Variants in PARD3B observed in about 807,000 individuals in gnomAD.
PARD3B encodes partitioning defective 3 homolog B.
In PARD3B, 103 loss-of-function variants were observed where a neutral mutation model predicts 130.2. The ratio of observed to expected loss-of-function variants is 0.79; its 90% CI spans 0.67 to 0.93. The LOEUF (loss-of-function observed/expected upper bound fraction) is 0.93. Ranked by LOEUF, PARD3B falls within the 40% of genes least tolerant of loss-of-function variation. The pLI, the probability that PARD3B is intolerant of heterozygous loss-of-function variation, is 0.00. For missense variants in PARD3B, 1,609 were observed against 1,499.2 expected (o/e 1.07, Z -1.21); for synonymous variants, 583 against 553.2 (o/e 1.05, Z -0.76).
chr2:204,904,528 T>G (rs572702164), intron 2 of PARD3B, among the ~76,000 whole-genome samples: 1 of 152,298 alleles, frequency 6.6e-6, no homozygotes, highest in East Asian at 1.9e-4. Context: ...CCCTAAATAT[T>G]TATATCTACT....
At chr2:205,554,845 G>A (rs1193543654) in intron 22 of PARD3B, among the ~76,000 whole-genome samples, 1 of 152,190 alleles carries the variant, frequency 6.6e-6, no homozygotes. Context: ...ATGGGAAGAT[G>A]TGCATAGGTT....
chr2:205,091,015 T>C lies in PARD3B; in HGVS notation c.505-13411T>C, dbSNP rs551997074. 4.2e-4 allele frequency among the ~76,000 whole-genome samples: 64 copies of C among 152,318 alleles called. No individual in the cohort carries two copies. The highest frequency in any genetic ancestry group is 1.1e-3 in the Admixed American group (17 of 15,300). On this transcript the variant is annotated intron_variant, in intron 4 of 22. Transcript: ENST00000406610. This position sits in a 1 kb window ranked among gnomAD's most constrained non-coding sequence, Gnocchi z 4.2. ...TGGGATTCAAGGATTAATCCAGAGA[T>C]GATATTTGGATTAAATCATCACTGT...
chr2:204,650,615 G>A (rs2035444212), intron 1 of PARD3B, among the ~76,000 whole-genome samples: 1 of 152,138 alleles, frequency 6.6e-6, no homozygotes, highest in South Asian at 2.1e-4. Flanking sequence ...GATGGAGTAG[G>A]AGGCCATTTT....
chr2:205,435,185 C>A (rs2047470931), intron 19 of PARD3B, among the ~76,000 whole-genome samples: 1 of 151,916 alleles, frequency 6.6e-6, no homozygotes, highest in African/African-American at 2.4e-5. Context: ...TTTGTGTATT[C>A]TTCCAGACAT....
intron 12 of PARD3B, among the ~76,000 whole-genome samples, chr2:205,172,731 G>A (rs2035245100): frequency 6.6e-6 from 1 of 152,140 alleles, no homozygotes; most frequent in African/African-American, 2.4e-5. Context: ...AATGTTTAAT[G>A]TGGAGATCAT....
In PARD3B at chr2:204,984,773, A is replaced by G. The variant is rs552392137; in HGVS notation, c.394+19450A>G. On this transcript the variant is annotated intron_variant, in intron 3 of 22. Transcript: ENST00000406610. Reference sequence around the variant, plus strand: ...ATTTTCACCCACTTTAGGCACTTAGATATGGGATTAATGGTGCAGATCCAT... The same window carrying G: ...ATTTTCACCCACTTTAGGCACTTAGGTATGGGATTAATGGTGCAGATCCAT... Among the ~76,000 whole-genome samples, 5 of 152,148 alleles carry G rather than the reference A, an allele frequency of 3.3e-5. No individual in the cohort carries two copies. The South Asian group carries it at 1.0e-3, about 32-fold the overall frequency.
At chr2:205,093,644 T>A (rs1248804110) in intron 4 of PARD3B, among the ~76,000 whole-genome samples, 1 of 152,120 alleles carries the variant, frequency 6.6e-6, no homozygotes, top group East Asian at 1.9e-4. Context: ...TGGGAATATA[T>A]TTGTGAACAC....
At chr2:205,554,122 A>C (rs2052773316) in intron 22 of PARD3B, among the ~76,000 whole-genome samples, 1 of 152,192 alleles carries the variant, frequency 6.6e-6, no homozygotes, top group South Asian at 2.1e-4. Context: ...CTACGATTGG[A>C]GTTAGGTGAG....
At chr2:205,596,932 C>G (rs2054593045) in intron 22 of PARD3B, among the ~76,000 whole-genome samples, 1 of 152,128 alleles carries the variant, frequency 6.6e-6, no homozygotes, top group Admixed American at 6.5e-5. Context: ...ATGTCAAATC[C>G]TTCCTACCCA....
At position 205,446,302 on chromosome 2, in the gene PARD3B, C is replaced by G. The variant is rs1034496924; in HGVS notation, c.3044+5630C>G. 6.6e-6 allele frequency among the ~76,000 whole-genome samples: 1 copy of G among 151,918 alleles called. No individual in the cohort carries two copies. The highest frequency in any genetic ancestry group is 1.5e-5 in the Non-Finnish European group (1 of 67,992). On this transcript the variant is annotated intron_variant, in intron 20 of 22. Coordinates refer to ENST00000406610, the MANE Select transcript of PARD3B (RefSeq NM_001302769.2). The surrounding 1 kb of genome is among the most constrained non-coding windows in gnomAD (Gnocchi z 4.4). The stretch of plus-strand genomic sequence containing the variant: ...GCAGGGTTTGGGTTGGAGAAGAGCT[C>G]GCTGAGGGGAAGAACTCACTGAGGG...
intron 2 of PARD3B, among the ~76,000 whole-genome samples, chr2:204,919,185 A>G (rs191653919): frequency 3.3e-4 from 50 of 152,178 alleles, no homozygotes; most frequent in African/African-American, 9.6e-4. Context: ...GCAGACATCC[A>G]TACACTTCCC....
Position 204,678,431 on chromosome 2 carries a change from G to A in PARD3B, c.121-7750G>A, listed in dbSNP as rs1358264703. Among the ~76,000 whole-genome samples the A allele has an allele frequency of 6.6e-6, 1 of 152,150 alleles. No individual in the cohort carries two copies. The highest frequency in any genetic ancestry group is 1.5e-5 in the Non-Finnish European group (1 of 68,036). On this transcript the variant is annotated intron_variant, in intron 1 of 22. Transcript: ENST00000406610. This position sits in a 1 kb window ranked among gnomAD's most constrained non-coding sequence, Gnocchi z 4.2. ...ACCCGGGTTCTTGTCTGGCATCCAGGAAGAATCAGGTCACACGGACTTGAA... is the reference window on the plus strand; with the variant it reads ...ACCCGGGTTCTTGTCTGGCATCCAGAAAGAATCAGGTCACACGGACTTGAA...
intron 18 of PARD3B, among the ~76,000 whole-genome samples, chr2:205,363,821 C>A (rs115870344): frequency 6.7e-6 from 1 of 149,020 alleles, no homozygotes; most frequent in African/African-American, 2.5e-5. Flanking sequence ...TGCGCCACAA[C>A]GCCTGACTGA....
intron 11 of PARD3B, among the ~76,000 whole-genome samples, chr2:205,163,041 A>G (rs915450117): frequency 1.8e-4 from 27 of 152,190 alleles, no homozygotes; most frequent in African/African-American, 5.1e-4. Flanking sequence ...AAATGTATAC[A>G]TAACTAGAAT....
chr2:205,188,288 A>T (rs186475875), intron 14 of PARD3B, among the ~76,000 whole-genome samples: 1 of 152,308 alleles, frequency 6.6e-6, no homozygotes, highest in Non-Finnish European at 1.5e-5. Flanking sequence ...AAGAATGCAG[A>T]GTGTGTTCAG....
In PARD3B at chr2:204,673,875, C is replaced by T. The variant is rs528256820; in HGVS notation, c.121-12306C>T. On this transcript the variant is annotated intron_variant, in intron 1 of 22. Coordinates refer to ENST00000406610, the MANE Select transcript of PARD3B (RefSeq NM_001302769.2). The surrounding 1 kb of genome is among the most constrained non-coding windows in gnomAD (Gnocchi z 4.7). ...TTTCTTAGATGTTGCAAGAACTCAACACATGTTGCAGAAAGGACTGCCATT... is the reference window on the plus strand; with the variant it reads ...TTTCTTAGATGTTGCAAGAACTCAATACATGTTGCAGAAAGGACTGCCATT... Among the ~76,000 whole-genome samples, 1 of 152,138 alleles carries T rather than the reference C, an allele frequency of 6.6e-6. No individual in the cohort carries two copies. The highest frequency in any genetic ancestry group is 2.4e-5 in the African/African-American group (1 of 41,412).
chr2:204,667,511 T>C (rs1023266714), intron 1 of PARD3B, among the ~76,000 whole-genome samples: 1 of 152,184 alleles, frequency 6.6e-6, no homozygotes, highest in South Asian at 2.1e-4. Flanking sequence ...CTTCTTTACC[T>C]GGATCACTTG....
rs1476334438 is a variant in PARD3B, at chr2:205,589,671, G to GA, written c.3261-25785_3261-25784insA. ...AAATTAATTGCACCCTCACATTGTT[G>GA]TCTCTATTGGAGAATTGCTAGAGGA... On this transcript the variant is annotated intron_variant, in intron 22 of 22. Transcript: ENST00000406610. The surrounding 1 kb of genome is among the most constrained non-coding windows in gnomAD (Gnocchi z 4.1). Among the ~76,000 whole-genome samples, 3 of 152,060 alleles carry GA rather than the reference G, an allele frequency of 2.0e-5. No homozygotes were observed. Among genetic ancestry groups the GA allele is most frequent in the African/African-American group, 7.2e-5 (3 of 41,398 alleles).
chr2:205,489,457 C>T (rs1001022000), intron 20 of PARD3B, among the ~76,000 whole-genome samples: 1 of 148,448 alleles, frequency 6.7e-6, no homozygotes, highest in African/African-American at 2.5e-5. Context: ...GCCTGGGCAA[C>T]AGTATAAGAC....
Sources: gnomAD v4.1 joint callset for allele counts (sites outside exome capture counted in the v4.1 genomes callset) on GRCh38, gnomAD v4.1.1 for gene constraint, Gnocchi (gnomAD v3.1) non-coding constraint, MANE v1.5 for transcripts, NCBI Gene and HGNC (gene_info 2026-07-23, HGNC 2026-07-21) for gene names.